Variants in LRP4 observed in about 807,000 individuals in gnomAD.
The protein encoded by LRP4 is low-density lipoprotein receptor-related protein 4.
In LRP4, 95 loss-of-function variants were observed where a neutral mutation model predicts 220.3. The observed-to-expected ratio is 0.43, with a 90% CI of 0.37 to 0.51. The LOEUF (loss-of-function observed/expected upper bound fraction) is 0.51, where lower values mean the gene tolerates loss of function less well. Ranked by LOEUF, LRP4 falls within the 20% of genes least tolerant of loss-of-function variation. The pLI, the probability that LRP4 is intolerant of heterozygous loss-of-function variation, is 0.00. For missense variants in LRP4, 1,925 were observed against 2,567.0 expected, an observed-to-expected ratio of 0.75 and a Z score of 5.40; for synonymous variants, 903 against 954.6, an observed-to-expected ratio of 0.95 and a Z score of 1.00.
At position 46,896,993 on chromosome 11, in the gene LRP4, G is replaced by A. The variant is rs2134856058; in HGVS notation, c.798C>T (p.Thr266=). ...ACTGTTCTGCCGTACACATGGAGGT[G>A]GCTGGGCAAAGCAAAGGCTTAATGA... ...CDDQSDERNC[T]TSMCTAEQFR... is the part of the protein sequence containing the mutation. The change falls in exon 8 of 38, where the codon ACC becomes ACT. Residue 266 remains threonine, a splice_region_variant and synonymous_variant. Transcript: ENST00000378623. The A allele has an allele frequency of 6.2e-7, 1 of 1,614,174 alleles. No homozygotes were observed.
In LRP4 at chr11:46,890,887, C is replaced by G. The variant is rs530613339; in HGVS notation, c.1698-393G>C. 6.6e-6 allele frequency among the ~76,000 whole-genome samples: 1 copy of G among 152,256 alleles called. No individual in the cohort carries two copies. Among genetic ancestry groups the G allele is most frequent in the East Asian group, 1.9e-4 (1 of 5,182 alleles). On this transcript the variant is annotated intron_variant, in intron 13 of 37. Transcript: ENST00000378623. The surrounding 1 kb of genome is among the most constrained non-coding windows in gnomAD (Gnocchi z 5.3). The stretch of plus-strand genomic sequence containing the variant: ...GGGATTATAGGCATGAGTCACCATG[C>G]CCAGCCTCAGAATGCTTTTTAAGTG...
At position 46,859,032 on chromosome 11, in the gene LRP4, T is replaced by G. The variant is rs749482785; in HGVS notation, c.5669A>C (p.Asp1890Ala). ...CTTGCGTTCATGTTTCCAGCCCGTGTCTGGCAGAGAGCCTCGTCTTTCTGG... is the reference window on the plus strand; with the variant it reads ...CTTGCGTTCATGTTTCCAGCCCGTGGCTGGCAGAGAGCCTCGTCTTTCTGG... ...ATPERRGSLP[D>A]TGWKHERKLS... The change falls in exon 38 of 38, where the codon GAC becomes GCC. Residue 1890 changes from aspartate to alanine, a missense_variant. Transcript: ENST00000378623. The G allele has an allele frequency of 3.1e-6, 5 of 1,614,184 alleles. No individual in the cohort carries two copies. Among genetic ancestry groups the G allele is most frequent in the Non-Finnish European group, 4.2e-6 (5 of 1,180,032 alleles).
At position 46,899,288 on chromosome 11, in the gene LRP4, T is replaced by C. The variant is rs1941614332; in HGVS notation, c.547+99A>G. The stretch of plus-strand genomic sequence containing the variant: ...GCTGCTGCTGAGGCACCCATGCTCC[T>C]TGCCCTTGGTACATGCACTCCTCAG... On this transcript the variant is annotated intron_variant, in intron 5 of 37. Coordinates refer to ENST00000378623, the MANE Select transcript of LRP4 (RefSeq NM_002334.4). This position sits in a 1 kb window ranked among gnomAD's most constrained non-coding sequence, Gnocchi z 5.9. 2 of 1,048,880 alleles carry C rather than the reference T, an allele frequency of 1.9e-6. No homozygotes were observed. The highest frequency in any genetic ancestry group is 3.0e-6 in the Non-Finnish European group (2 of 670,628). The allele number at this position is 1,048,880 out of a possible 1,614,324, so 65.0% of individuals were successfully genotyped here. A position where few individuals can be genotyped will look rare whatever the true frequency, so the allele number is the denominator to read the frequency against.
intron 2 of LRP4, among the ~76,000 whole-genome samples, chr11:46,902,083 C>T (rs1592548338): frequency 1.3e-5 from 2 of 149,486 alleles, no homozygotes; most frequent in South Asian, 2.3e-4. Context: ...TGTGGCTGGG[C>T]GTGGTGGTTC....
intron 18 of LRP4, among the ~76,000 whole-genome samples, chr11:46,884,432 T>C (rs10838627): frequency 0.14 from 21,205 of 151,832 alleles, 2,471 homozygotes; most frequent in East Asian, 0.61. Flanking sequence ...TAAAACCCCG[T>C]CTCTACTAAA....
rs750389030 is a variant in LRP4, at chr11:46,896,360, T to C, written c.923-25A>G. 5.0e-6 allele frequency: 8 copies of C among 1,611,774 alleles called. No homozygotes were observed. The East Asian group carries it at 6.7e-5, about 13-fold the overall frequency. On this transcript the variant is annotated intron_variant, in intron 8 of 37. Coordinates refer to ENST00000378623, the MANE Select transcript of LRP4 (RefSeq NM_002334.4). ...CCTAGAGAGATGGAGGGTCAGGTCA[T>C]AGCAAGGCAGGGCTTGGGCCAACAA...
intron 36 of LRP4, chr11:46,863,006 C>T (rs1004458486): frequency 1.4e-5 from 7 of 494,850 alleles, no homozygotes; most frequent in African/African-American, 9.8e-5. Flanking sequence ...GTTGCCCTCC[C>T]TCATTCTCTT....
intron 3 of LRP4, 70 bp downstream of exon 3, chr11:46,900,192 T>C: frequency 8.1e-7 from 1 of 1,229,300 alleles, no homozygotes; most frequent in South Asian, 1.2e-5. Flanking sequence ...CCTGGGGCAT[T>C]GCTTTCTGAT....
chr11:46,906,273 T>G (rs991839768), intron 1 of LRP4, among the ~76,000 whole-genome samples: 2 of 152,086 alleles, frequency 1.3e-5, no homozygotes, highest in Non-Finnish European at 2.9e-5. Flanking sequence ...CTGGCCAACA[T>G]GGTGAAAACC....
Position 46,893,042 on chromosome 11 carries a change from G to A in LRP4, c.1628C>T (p.Ala543Val). The change falls in exon 13 of 38, where the codon GCC becomes GTC. Residue 543 changes from alanine (A) to valine (V), a missense_variant. This residue lies in a region of LRP4 where 269 missense variants were observed against 436.7 expected (regional missense o/e 0.62). Transcript: ENST00000378623. ...CTGCCACAGCAACACTTTCCGGTGG[G>A]CCCCATCCAGATTGGCCACCTCAAT... is the stretch of plus-strand genomic sequence containing the variant. ...SRIEVANLDGAHRKVLLWQNL... is the reference protein window; with the variant it reads ...SRIEVANLDGVHRKVLLWQNL... 1 of 1,613,968 alleles carries A rather than the reference G, an allele frequency of 6.2e-7. No homozygotes were observed.
At chr11:46,886,040 A>C (rs376088052) in intron 18 of LRP4, 51 bp downstream of exon 18, 11 of 1,498,036 alleles carry the variant, frequency 7.3e-6, no homozygotes, top group Non-Finnish European at 1.0e-5. Flanking sequence ...CAGGGTTTTA[A>C]ACAAGAGGAA....
rs2134864320 is a variant in LRP4 at position 46,899,802 on chromosome 11, C to T, written c.430+61G>A. Reference sequence around the variant, plus strand: ...GTGCTAGGGCCATTGCTGCTATCTTCTCCCATGGCCAGGCCACCCACTGGC... The same window carrying T: ...GTGCTAGGGCCATTGCTGCTATCTTTTCCCATGGCCAGGCCACCCACTGGC... On this transcript the variant is annotated intron_variant, in intron 4 of 37. Transcript: ENST00000378623. This position sits in a 1 kb window ranked among gnomAD's most constrained non-coding sequence, Gnocchi z 5.9. The T allele has an allele frequency of 1.5e-6, 2 of 1,346,478 alleles. No homozygotes were observed. The highest frequency in any genetic ancestry group is 2.1e-6 in the Non-Finnish European group (2 of 940,002). The allele number at this position is 1,346,478 out of a possible 1,614,324, so 83.4% of individuals were successfully genotyped here. A position where few individuals can be genotyped will look rare whatever the true frequency, so the allele number is the denominator to read the frequency against.
intron 30 of LRP4, among the ~76,000 whole-genome samples, chr11:46,872,761 A>C (rs1048599623): frequency 2.0e-5 from 3 of 152,234 alleles, no homozygotes; most frequent in Non-Finnish European, 4.4e-5. Context: ...ACAAAGTTCC[A>C]GAGCCTGAAG....
intron 1 of LRP4, among the ~76,000 whole-genome samples, chr11:46,903,900 G>A (rs561296760): frequency 4.6e-5 from 7 of 152,312 alleles, no homozygotes; most frequent in African/African-American, 9.6e-5. Context: ...TCAGCAGCAC[G>A]CAGCTGGGCT....
chr11:46,907,976 C>T (rs1941789428), intron 1 of LRP4, among the ~76,000 whole-genome samples: 1 of 152,010 alleles, frequency 6.6e-6, no homozygotes, highest in Non-Finnish European at 1.5e-5. Flanking sequence ...GCTGTGTTGC[C>T]CAGGCTGGAG....
chr11:46,869,890 G>A (rs1192555631), intron 31 of LRP4, among the ~76,000 whole-genome samples: 1 of 151,948 alleles, frequency 6.6e-6, no homozygotes, highest in Non-Finnish European at 1.5e-5. Flanking sequence ...GGGCGATCAT[G>A]AGGTCAGGAG....
At chr11:46,893,371 TCA>T (rs1414879938) in intron 12 of LRP4, among the ~76,000 whole-genome samples, 2 of 152,282 alleles carry the variant, frequency 1.3e-5, no homozygotes, top group East Asian at 3.9e-4. Flanking sequence ...CACTTCCTCC[TCA>T]CAGTCAACCA....
At chr11:46,886,556 CTTCT>C (rs1941297504) in intron 16 of LRP4, 23 bp from the exon 17 acceptor site, 1 of 1,599,772 alleles carries the variant, frequency 6.3e-7, no homozygotes, top group Admixed American at 1.7e-5. Flanking sequence ...CGAAAGGGGT[CTTCT>C]TTTAATGCTC....
Position 46,899,119 on chromosome 11 carries a change from T to G in LRP4, c.548-87A>C, listed in dbSNP as rs1274401645. The G allele has an allele frequency of 7.5e-7, 1 of 1,326,492 alleles. No individual in the cohort carries two copies. The highest frequency in any genetic ancestry group is 1.4e-5 in the African/African-American group (1 of 69,820). The allele number at this position is 1,326,492 out of a possible 1,614,324, so 82.2% of individuals were successfully genotyped here. The stretch of plus-strand genomic sequence containing the variant: ...CTGATTCCTCAAGCAGGCAGGATGC[T>G]CAGGCAGGAGAGCTTCTTCAAGTGA... On this transcript the variant is annotated intron_variant, in intron 5 of 37. Coordinates refer to ENST00000378623, the MANE Select transcript of LRP4 (RefSeq NM_002334.4). The surrounding 1 kb of genome is among the most constrained non-coding windows in gnomAD (Gnocchi z 5.9).
Sources: gnomAD v4.1 joint callset for allele counts (sites outside exome capture counted in the v4.1 genomes callset) on GRCh38, gnomAD v4.1.1 for gene constraint, gnomAD v4.1.1 regional missense constraint, Gnocchi (gnomAD v3.1) non-coding constraint, MANE v1.5 for transcripts, NCBI Gene and HGNC (gene_info 2026-07-23, HGNC 2026-07-21) for gene names.